DAB1: variants seen among roughly 807,000 people sequenced by gnomAD.
DAB1 encodes DAB adaptor protein 1, also known as disabled homolog 1.
DAB1 carries 15 observed loss-of-function variants against 64.6 expected under a neutral mutation model. The observed-to-expected ratio is 0.23, with a 90% CI of 0.16 to 0.36. The LOEUF is 0.36. Among genes scored for constraint, DAB1 ranks in the 10% least tolerant of loss-of-function variants. The pLI is 1.00. For missense variants in DAB1, 596 were observed against 706.7 expected, an observed-to-expected ratio of 0.84 and a Z score of 1.78; for synonymous variants, 235 against 251.9, an observed-to-expected ratio of 0.93 and a Z score of 0.64.
At chr1:57,427,288 T>C (rs1685327643), upstream of DAB1, among the ~76,000 whole-genome samples, 1 of 152,214 alleles carries the variant, frequency 6.6e-6, no homozygotes. Context: ...ATTCTGTATA[T>C]CAGGCACTGT....
rs548112593 is a variant in DAB1 at position 57,796,456 on chromosome 1, G to A, written n.551+87543C>T. Among the ~76,000 whole-genome samples, 8 of 152,150 alleles carry A rather than the reference G, an allele frequency of 5.3e-5. No individual in the cohort carries two copies. In the East Asian group the frequency reaches 1.5e-3, roughly 29 times the overall value. On this transcript the variant is annotated intron_variant and non_coding_transcript_variant, in intron 6 of 20. Transcript: ENST00000485760. Reference sequence around the variant, plus strand: ...GCAGGAGAACGGCATGAACCCGGGAGGTGGAGCTTCCAGCGAGCTGAGATC... The same window carrying A: ...GCAGGAGAACGGCATGAACCCGGGAAGTGGAGCTTCCAGCGAGCTGAGATC...
intron 1 of DAB1, among the ~76,000 whole-genome samples, chr1:57,883,132 C>G (rs1644171389): frequency 6.6e-6 from 1 of 152,220 alleles, no homozygotes; most frequent in African/African-American, 2.4e-5. Flanking sequence ...CCACTCTGCT[C>G]TGAGGTTTTC....
At chr1:57,454,744 G>A (rs17426429) in intron 7 of DAB1, among the ~76,000 whole-genome samples, 14,345 of 151,938 alleles carry the variant, frequency 0.094, 815 homozygotes, top group Non-Finnish European at 0.13. Context: ...TCTCTAGACC[G>A]GGAGGAAAAG....
At chr1:57,662,421 C>A (rs1350788465) in intron 6 of DAB1, among the ~76,000 whole-genome samples, 2 of 152,170 alleles carry the variant, frequency 1.3e-5, no homozygotes, top group African/African-American at 4.8e-5. Flanking sequence ...GTCTCGAACT[C>A]CCGACCTCAG....
intron 7 of DAB1, among the ~76,000 whole-genome samples, chr1:57,486,262 G>A (rs2101258313): frequency 6.6e-6 from 1 of 152,306 alleles, no homozygotes; most frequent in African/African-American, 2.4e-5. Flanking sequence ...CTCAGCTTTG[G>A]TTCGGTCTAT....
intron 3 of DAB1, among the ~76,000 whole-genome samples, chr1:58,490,324 C>A (rs927467952): frequency 6.6e-6 from 1 of 152,052 alleles, no homozygotes; most frequent in Admixed American, 6.5e-5. Flanking sequence ...ATTCGATCAA[C>A]TGGAAGAAAA....
At chr1:58,415,907 G>C (rs1282352750) in intron 3 of DAB1, among the ~76,000 whole-genome samples, 8 of 152,200 alleles carry the variant, frequency 5.3e-5, no homozygotes, top group Non-Finnish European at 2.9e-5. Flanking sequence ...CCATTAAATA[G>C]AGTTATAATT....
intron 3 of DAB1, among the ~76,000 whole-genome samples, chr1:57,143,182 AGGGCAGGGGTTG>A (rs1421196483): frequency 6.6e-6 from 1 of 152,158 alleles, no homozygotes; most frequent in East Asian, 1.9e-4. Context: ...ACTCTGGGCA[AGGGCAGGGGTTG>A]GGAGAACAGG....
At chr1:58,236,438 G>T (rs1660047430) in intron 4 of DAB1, among the ~76,000 whole-genome samples, 2 of 152,102 alleles carry the variant, frequency 1.3e-5, no homozygotes, top group African/African-American at 4.8e-5. Context: ...CACAGCACCC[G>T]CTTACTTAAG....
chr1:57,619,182 A>T (rs926824131), intron 7 of DAB1, among the ~76,000 whole-genome samples: 1 of 152,184 alleles, frequency 6.6e-6, no homozygotes, highest in African/African-American at 2.4e-5. Context: ...TATGATGGGT[A>T]GCAGTTAGAG....
intron 6 of DAB1, among the ~76,000 whole-genome samples, chr1:57,738,495 C>A (rs905729459): frequency 6.6e-6 from 1 of 151,978 alleles, no homozygotes; most frequent in Non-Finnish European, 1.5e-5. Flanking sequence ...CACAACCCCA[C>A]ACATACCCCC....
At chr1:58,089,548 G>A (rs957331570) in intron 5 of DAB1, among the ~76,000 whole-genome samples, 30 of 152,294 alleles carry the variant, frequency 2.0e-4, no homozygotes, top group Middle Eastern at 3.4e-3. Context: ...TGAGCAATCT[G>A]ACCTTGTAAA....
chr1:58,203,178 G>A (rs1165911236), intron 4 of DAB1, among the ~76,000 whole-genome samples: 3 of 152,106 alleles, frequency 2.0e-5, no homozygotes, highest in Non-Finnish European at 4.4e-5. Context: ...GTAAAACTAA[G>A]GTTTTTCTGC....
intron 6 of DAB1, among the ~76,000 whole-genome samples, chr1:57,763,128 G>T (rs917437457): frequency 6.6e-6 from 1 of 152,200 alleles, no homozygotes; most frequent in African/African-American, 2.4e-5. Context: ...GTATCACATA[G>T]TCCAAATTTC....
intron 7 of DAB1, among the ~76,000 whole-genome samples, chr1:57,584,371 T>A (rs1242736356): frequency 6.6e-6 from 1 of 152,248 alleles, no homozygotes; most frequent in African/African-American, 2.4e-5. Context: ...CTGATGTTTT[T>A]CTTTTATCAA....
chr1:58,035,754 G>C (rs1647035568), intron 5 of DAB1, among the ~76,000 whole-genome samples: 1 of 152,188 alleles, frequency 6.6e-6, no homozygotes, highest in African/African-American at 2.4e-5. Context: ...ATCAGCCCAG[G>C]ACTGGCAGGA....
At chr1:57,848,390 C>G (rs537305732) in intron 1 of DAB1, among the ~76,000 whole-genome samples, 5 of 152,298 alleles carry the variant, frequency 3.3e-5, no homozygotes, top group African/African-American at 9.6e-5. Flanking sequence ...ATATGAAAAC[C>G]TATTTTATCC....
At chr1:57,144,937 A>G (rs930686273) in intron 3 of DAB1, among the ~76,000 whole-genome samples, 1 of 152,210 alleles carries the variant, frequency 6.6e-6, no homozygotes, top group Non-Finnish European at 1.5e-5. Context: ...TATATTATTT[A>G]TTCAAAAATA....
rs114850865 is a variant in DAB1 at position 58,145,204 on chromosome 1, G to A, written n.387+5307C>T. On this transcript the variant is annotated intron_variant and non_coding_transcript_variant, in intron 5 of 20. Coordinates refer to the DAB1 transcript ENST00000485760. Reference sequence around the variant, plus strand: ...TTTCACAGTGAGGTGCCATCCTGCCGGAGGATGCGGGAATGGTGAGATGGT... The same window carrying A: ...TTTCACAGTGAGGTGCCATCCTGCCAGAGGATGCGGGAATGGTGAGATGGT... Among the ~76,000 whole-genome samples the A allele has an allele frequency of 6.0e-4, 92 of 152,330 alleles. 1 individual carries two copies. The highest frequency in any genetic ancestry group is 2.0e-3 in the African/African-American group (84 of 41,572).
Sources: allele counts gnomAD v4.1 joint callset (sites outside exome capture counted in the v4.1 genomes callset), GRCh38; gene constraint gnomAD v4.1.1; transcripts MANE v1.5; gene names NCBI Gene and HGNC (gene_info 2026-07-23, HGNC 2026-07-21).